Variants in ABCC9 observed in about 807,000 individuals in gnomAD.
The protein encoded by ABCC9 is ATP-binding cassette sub-family C member 9.
A neutral mutation model predicts 188.3 loss-of-function variants in ABCC9; 95 were observed. That is an observed-to-expected ratio of 0.50 (90% CI 0.43 to 0.60). The LOEUF (loss-of-function observed/expected upper bound fraction) is 0.60, where lower values mean the gene tolerates loss of function less well. Ranked by LOEUF, ABCC9 falls within the 20% of genes least tolerant of loss-of-function variation. The probability of loss-of-function intolerance (pLI) is 0.00; values close to 1 mark genes in which losing one functional copy is unlikely to be tolerated. For missense variants in ABCC9, 1,102 were observed against 1,876.3 expected, an observed-to-expected ratio of 0.59 and a Z score of 7.62; for synonymous variants, 659 against 652.7, an observed-to-expected ratio of 1.01 and a Z score of -0.15.
At chr12:21,904,980 A>C (rs4567523) in intron 12 of ABCC9, among the ~76,000 whole-genome samples, 1 of 152,204 alleles carries the variant, frequency 6.6e-6, no homozygotes, top group Non-Finnish European at 1.5e-5. Flanking sequence ...ACATTCACAC[A>C]TGTGTTTATT....
intron 16 of ABCC9, among the ~76,000 whole-genome samples, chr12:21,879,727 A>G (rs528311025): frequency 5.3e-5 from 8 of 152,116 alleles, no homozygotes; most frequent in Non-Finnish European, 8.8e-5. Context: ...TTTGTAAAAA[A>G]TCTCACTAAA....
intron 35 of ABCC9, among the ~76,000 whole-genome samples, 195 bp downstream of exon 35, chr12:21,814,449 C>T (rs1942464130): frequency 2.0e-5 from 3 of 152,162 alleles, no homozygotes; most frequent in Admixed American, 1.3e-4. Context: ...GTTTAAGGCT[C>T]ATCATTTTAT....
intron 4 of ABCC9, among the ~76,000 whole-genome samples, chr12:21,927,994 C>T (rs1424452140): frequency 6.6e-6 from 1 of 151,958 alleles, no homozygotes; most frequent in East Asian, 1.9e-4. Flanking sequence ...CCGAGGTGGG[C>T]GGATCACTCG....
In ABCC9 at chr12:21,807,475, C is replaced by T. The variant is rs377289768; in HGVS notation, c.4320G>A (p.Ala1440=). The T allele has an allele frequency of 9.9e-6, 16 of 1,613,620 alleles. No homozygotes were observed. Among genetic ancestry groups the T allele is most frequent in the East Asian group, 2.2e-5 (1 of 44,868 alleles). ...AATTCTCCCCACCTTCAGTGACAAC[C>T]GCATCTAAATCAGAGAAAGAAGCAA... ...MVKSLPGGLD[A]VVTEGGENFS... is the part of the protein sequence containing the mutation. Residue 1440 remains alanine, a synonymous_variant, in exon 38 of 40, where the codon GCG becomes GCA. Coordinates refer to ENST00000261200, the MANE Select transcript of ABCC9 (RefSeq NM_020297.4).
intron 31 of ABCC9, among the ~76,000 whole-genome samples, chr12:21,826,221 G>T (rs1345294659): frequency 6.6e-6 from 1 of 151,714 alleles, no homozygotes; most frequent in African/African-American, 2.4e-5. Context: ...CCATAGATAA[G>T]ATCAATGCAG....
chr12:21,830,360 A>G (rs1433264274), intron 30 of ABCC9, among the ~76,000 whole-genome samples: 2 of 152,164 alleles, frequency 1.3e-5, no homozygotes, highest in African/African-American at 4.8e-5. Flanking sequence ...GAAAATACCA[A>G]ATCAAAATGT....
At chr12:21,901,522 G>A (rs1050236176) in intron 12 of ABCC9, among the ~76,000 whole-genome samples, 6 of 152,148 alleles carry the variant, frequency 3.9e-5, no homozygotes, top group African/African-American at 1.4e-4. Context: ...ATTGGATAAA[G>A]AGTCATGACC....
chr12:21,831,369 A>G (rs1427183735), intron 30 of ABCC9, among the ~76,000 whole-genome samples: 1 of 152,070 alleles, frequency 6.6e-6, no homozygotes, highest in Non-Finnish European at 1.5e-5. Context: ...ATTCGGGAGC[A>G]TTTAGCAATC....
rs770460816 is a variant in ABCC9, at chr12:21,895,267, T to G, written c.1659+8A>C. ...TTTCATTTCTAAAAGAGAGAAAAAG[T>G]GTCTTACAGCAAGAACAGCTGCTAT... On this transcript the variant is annotated splice_region_variant and intron_variant, in intron 13 of 39. Transcript: ENST00000261200. 1 of 1,611,656 alleles carries G rather than the reference T, an allele frequency of 6.2e-7. No homozygotes were observed. Among genetic ancestry groups the G allele is most frequent in the Non-Finnish European group, 8.5e-7 (1 of 1,177,896 alleles).
chr12:21,860,497 C>T (rs575863843), intron 21 of ABCC9, among the ~76,000 whole-genome samples: 22 of 152,116 alleles, frequency 1.4e-4, no homozygotes, highest in Non-Finnish European at 2.6e-4. Flanking sequence ...ACATTGTAGA[C>T]GTTGTTGTTC....
chr12:21,927,883 A>G (rs1024886679), intron 4 of ABCC9, among the ~76,000 whole-genome samples: 1 of 152,208 alleles, frequency 6.6e-6, no homozygotes, highest in African/African-American at 2.4e-5. Context: ...TTGTCAGTAC[A>G]GAAATTAGGA....
At chr12:21,848,497 C>G (rs192008056) in intron 24 of ABCC9, among the ~76,000 whole-genome samples, 2 of 152,286 alleles carry the variant, frequency 1.3e-5, no homozygotes, top group East Asian at 3.9e-4. Flanking sequence ...TGAGATGCAA[C>G]TGACTCCAGA....
At chr12:21,886,481 G>A (rs1946879922) in intron 15 of ABCC9, among the ~76,000 whole-genome samples, 1 of 152,056 alleles carries the variant, frequency 6.6e-6, no homozygotes, top group Non-Finnish European at 1.5e-5. Context: ...TGGACCAAAA[G>A]CTCTAATTCT....
chr12:21,855,953 T>A (rs992755786), intron 22 of ABCC9, among the ~76,000 whole-genome samples: 2 of 152,168 alleles, frequency 1.3e-5, no homozygotes, highest in African/African-American at 4.8e-5. Flanking sequence ...ATCTGTGTGA[T>A]GTTGGATAAG....
chr12:21,902,110 G>A (rs918682046), intron 12 of ABCC9, among the ~76,000 whole-genome samples: 2 of 152,210 alleles, frequency 1.3e-5, no homozygotes, highest in Non-Finnish European at 2.9e-5. Context: ...TCAGACCACA[G>A]TGCAATCAAA....
In ABCC9 at chr12:21,877,418, C is replaced by A. The variant is rs933311932; in HGVS notation, c.2020-1692G>T. 3.9e-5 allele frequency among the ~76,000 whole-genome samples: 6 copies of A among 151,910 alleles called. No homozygotes were observed. In the East Asian group the frequency reaches 1.2e-3, roughly 29 times the overall value. On this transcript the variant is annotated intron_variant, in intron 16 of 39. Transcript: ENST00000261200. The stretch of plus-strand genomic sequence containing the variant: ...ACTATAGTGAGAATAGGCTGAAGAT[C>A]AAAAAAACCGTAAAATATGTCAGAG...
chr12:21,893,928 G>T, intron 14 of ABCC9, 104 bp downstream of exon 14: 1 of 1,131,034 alleles, frequency 8.8e-7, no homozygotes, highest in Non-Finnish European at 1.3e-6. Context: ...TTGTCTCCTG[G>T]CAGTGATTTT....
rs1293531258 is a variant in ABCC9, at chr12:21,863,069, A to G, written c.2238-15T>C. The G allele has an allele frequency of 2.6e-6, 4 of 1,534,218 alleles. No homozygotes were observed. The African/African-American group carries it at 5.9e-5, about 23-fold the overall frequency. ...ACCTGTTCCTACTGAAAAATGAAAA[A>G]GAAAAAAAAAAACACCAGGATTATG... On this transcript the variant is annotated splice_polypyrimidine_tract_variant and intron_variant, in intron 19 of 39. Coordinates refer to ENST00000261200, the MANE Select transcript of ABCC9 (RefSeq NM_020297.4).
chr12:21,915,223 A>ATG (rs1177922394), intron 7 of ABCC9, among the ~76,000 whole-genome samples: 37 of 117,186 alleles, frequency 3.2e-4, no homozygotes, highest in African/African-American at 1.1e-3. Context: ...CTTTATATAT[A>ATG]TATGTGTGTG....
Sources: allele counts gnomAD v4.1 joint callset (sites outside exome capture counted in the v4.1 genomes callset), GRCh38; gene constraint gnomAD v4.1.1; transcripts MANE v1.5; gene names NCBI Gene and HGNC (gene_info 2026-07-23, HGNC 2026-07-21).